ATP8A2: variants seen among roughly 807,000 people sequenced by gnomAD.
The protein encoded by ATP8A2 is ATPase phospholipid transporting 8A2.
Under a neutral mutation model 165.6 loss-of-function variants are expected in ATP8A2, and 100 were observed. That is an observed-to-expected ratio of 0.60 (90% CI 0.51 to 0.71). The LOEUF is 0.71. Ranked by LOEUF, ATP8A2 falls within the 30% of genes least tolerant of loss-of-function variation. ATP8A2 has a pLI of 0.00. For synonymous variants in ATP8A2, 543 were observed against 548.8 expected, an observed-to-expected ratio of 0.99 and a Z score of 0.15; for missense variants, 1,227 against 1,479.5, an observed-to-expected ratio of 0.83 and a Z score of 2.80.
Position 25,983,764 on chromosome 13 carries a change from T to G in ATP8A2, c.3377+15085T>G, listed in dbSNP as rs117242483. On this transcript the variant is annotated intron_variant, in intron 35 of 36. Coordinates refer to ENST00000381655, the MANE Select transcript of ATP8A2 (RefSeq NM_016529.6). The stretch of plus-strand genomic sequence containing the variant: ...GATTTGCCAGAGGTCAAGCTGAGCA[T>G]TGAAGAAACAGAGAAACAGTAAGGT... 6.5e-3 allele frequency among the ~76,000 whole-genome samples: 986 copies of G among 152,220 alleles called. 5 individuals carry two copies. Among genetic ancestry groups the G allele is most frequent in the Middle Eastern group, 0.027 (8 of 294 alleles).
At position 25,839,594 on chromosome 13, in the gene ATP8A2, T is replaced by G; in HGVS notation, c.2926T>G (p.Phe976Val). ...CGCCTTGGTCCACTCCCTCATCCTCTTCTGGTTTCCCATGAAAGCTCTGGA... is the reference window on the plus strand; with the variant it reads ...CGCCTTGGTCCACTCCCTCATCCTCGTCTGGTTTCCCATGAAAGCTCTGGA... ...INALVHSLIL[F>V]WFPMKALEHD... Residue 976 changes from phenylalanine to valine, a missense_variant, in exon 30 of 37, where the codon TTC (phenylalanine) becomes GTC (valine). This residue lies in a region of ATP8A2 where 260 missense variants were observed against 245.1 expected (regional missense o/e 1.06). Coordinates refer to ENST00000381655, the MANE Select transcript of ATP8A2 (RefSeq NM_016529.6). The G allele has an allele frequency of 6.2e-7, 1 of 1,614,122 alleles. No individual in the cohort carries two copies. The highest frequency in any genetic ancestry group is 8.5e-7 in the Non-Finnish European group (1 of 1,179,996).
intron 10 of ATP8A2, among the ~76,000 whole-genome samples, chr13:25,544,302 G>A (rs901262893): frequency 6.6e-6 from 1 of 152,190 alleles, no homozygotes; most frequent in African/African-American, 2.4e-5. Flanking sequence ...TTCAACCTAG[G>A]CTGGAAGCCA....
intron 24 of ATP8A2, among the ~76,000 whole-genome samples, chr13:25,662,622 T>C (rs920245125): frequency 6.6e-6 from 1 of 152,184 alleles, no homozygotes. Flanking sequence ...GAAACAATTA[T>C]TCAGGGAAAC....
intron 35 of ATP8A2, among the ~76,000 whole-genome samples, chr13:26,012,133 TG>T (rs1334512748): frequency 6.6e-6 from 1 of 152,160 alleles, no homozygotes; most frequent in Non-Finnish European, 1.5e-5. Flanking sequence ...GGGCTGTGGC[TG>T]GGGTCCTGAG....
At chr13:25,601,325 A>G (rs551244174) in intron 24 of ATP8A2, among the ~76,000 whole-genome samples, 32 of 152,386 alleles carry the variant, frequency 2.1e-4, no homozygotes, top group Admixed American at 1.6e-3. Context: ...CACATGTATA[A>G]TATGCATAGG....
intron 27 of ATP8A2, among the ~76,000 whole-genome samples, chr13:25,780,854 C>T (rs1384784630): frequency 6.6e-6 from 1 of 152,190 alleles, no homozygotes; most frequent in Non-Finnish European, 1.5e-5. Context: ...TAGCCCTCCG[C>T]TCACCTCCTG....
At chr13:25,373,884 G>A (rs2032519616) in intron 1 of ATP8A2, among the ~76,000 whole-genome samples, 2 of 152,202 alleles carry the variant, frequency 1.3e-5, no homozygotes, top group African/African-American at 4.8e-5. Flanking sequence ...CTCCAAGAGT[G>A]TATGCCCTGC....
intron 24 of ATP8A2, among the ~76,000 whole-genome samples, chr13:25,691,466 C>T (rs1028708681): frequency 3.9e-5 from 6 of 152,034 alleles, no homozygotes; most frequent in African/African-American, 1.4e-4. Context: ...TTTTGTTTTT[C>T]GTTTTTTGGA....
intron 25 of ATP8A2, among the ~76,000 whole-genome samples, chr13:25,709,100 A>G (rs1472019606): frequency 6.6e-6 from 1 of 152,168 alleles, no homozygotes; most frequent in Non-Finnish European, 1.5e-5. Context: ...CAGGCCTGTA[A>G]GTGAGAGAGG....
At chr13:25,532,797 G>T (rs1334497169) in intron 5 of ATP8A2, among the ~76,000 whole-genome samples, 1 of 151,980 alleles carries the variant, frequency 6.6e-6, no homozygotes, top group African/African-American at 2.4e-5. Context: ...CTCTTGAGTA[G>T]CTGGGACTAC....
intron 24 of ATP8A2, among the ~76,000 whole-genome samples, chr13:25,695,976 G>T (rs8000388): frequency 6.6e-6 from 1 of 151,710 alleles, no homozygotes; most frequent in Non-Finnish European, 1.5e-5. Context: ...AGGAATTGCT[G>T]TCTATGGTAG....
chr13:25,653,931 G>A (rs2137646183), intron 24 of ATP8A2, among the ~76,000 whole-genome samples: 1 of 152,266 alleles, frequency 6.6e-6, no homozygotes, highest in East Asian at 1.9e-4. Flanking sequence ...CTGGATGCTG[G>A]CGAGAGAGAG....
At chr13:25,651,141 TTTAA>T (rs2041801920) in intron 24 of ATP8A2, among the ~76,000 whole-genome samples, 1 of 152,172 alleles carries the variant, frequency 6.6e-6, no homozygotes, top group Non-Finnish European at 1.5e-5. Context: ...AGTCAACTTC[TTTAA>T]TTATTATAAG....
chr13:25,714,681 C>G (rs1003153245), intron 25 of ATP8A2, among the ~76,000 whole-genome samples: 5 of 152,214 alleles, frequency 3.3e-5, no homozygotes, highest in Non-Finnish European at 5.9e-5. Context: ...TGGAGGCAGC[C>G]TACTCCCTTC....
intron 33 of ATP8A2, chr13:25,927,149 A>C (rs143978089): frequency 4.4e-6 from 2 of 456,786 alleles, no homozygotes; most frequent in Non-Finnish European, 8.8e-6. Flanking sequence ...GCACACAAAC[A>C]CTAGCTGGAT....
chr13:25,643,368 T>G (rs2041586223), intron 24 of ATP8A2, among the ~76,000 whole-genome samples: 1 of 152,158 alleles, frequency 6.6e-6, no homozygotes, highest in African/African-American at 2.4e-5. Flanking sequence ...TTGGGTTGCT[T>G]GCAGTTTTTT....
At chr13:25,574,299 T>C (rs184464919) in intron 18 of ATP8A2, among the ~76,000 whole-genome samples, 1 of 152,358 alleles carries the variant, frequency 6.6e-6, no homozygotes, top group East Asian at 1.9e-4. Context: ...AGATTTTTCC[T>C]AAATTTGGTG....
chr13:25,552,073 A>T (rs1384932715), intron 11 of ATP8A2, among the ~76,000 whole-genome samples: 4 of 150,386 alleles, frequency 2.7e-5, no homozygotes, highest in African/African-American at 9.8e-5. Context: ...TGCACCCTCC[A>T]CCTCCTGGGT....
At chr13:26,015,810 G>A (rs1956957559) in intron 36 of ATP8A2, among the ~76,000 whole-genome samples, 3 of 152,216 alleles carry the variant, frequency 2.0e-5, no homozygotes, top group Non-Finnish European at 2.9e-5. Flanking sequence ...GCCCCCATCA[G>A]GACTTTTCTG....
Sources: gnomAD v4.1 joint callset for allele counts (sites outside exome capture counted in the v4.1 genomes callset) on GRCh38, gnomAD v4.1.1 for gene constraint, gnomAD v4.1.1 regional missense constraint, MANE v1.5 for transcripts, NCBI Gene and HGNC (gene_info 2026-07-23, HGNC 2026-07-21) for gene names.